Variants in EPHA5 observed in about 807,000 individuals in gnomAD.
The protein encoded by EPHA5 is EPH receptor A5.
In EPHA5, 60 loss-of-function variants were observed where a neutral mutation model predicts 105.0. That is an observed-to-expected ratio of 0.57 (90% CI 0.46 to 0.71). The LOEUF is 0.71. Ranked by LOEUF, EPHA5 falls within the 30% of genes least tolerant of loss-of-function variation. The probability of loss-of-function intolerance (pLI) is 0.00; values close to 1 mark genes in which losing one functional copy is unlikely to be tolerated. For synonymous variants in EPHA5, 513 were observed against 449.1 expected (o/e 1.14, Z -1.80); for missense variants, 1,218 against 1,274.7 (o/e 0.96, Z 0.68).
chr4:65,466,076 G>T (rs1490740227), intron 5 of EPHA5, among the ~76,000 whole-genome samples: 2 of 152,336 alleles, frequency 1.3e-5, no homozygotes, highest in Admixed American at 6.5e-5. Context: ...ATCGTTAAAT[G>T]GGATAGGAAA....
chr4:65,439,621 T>C (rs567399045), intron 5 of EPHA5, among the ~76,000 whole-genome samples: 5 of 152,140 alleles, frequency 3.3e-5, no homozygotes, highest in Admixed American at 1.3e-4. Context: ...TGTCCATGAA[T>C]CAACAATTAA....
At chr4:65,509,584 C>T (rs551532733) in intron 3 of EPHA5, among the ~76,000 whole-genome samples, 1 of 152,208 alleles carries the variant, frequency 6.6e-6, no homozygotes, top group African/African-American at 2.4e-5. Flanking sequence ...TATCTTAACC[C>T]ATATTAGACT....
chr4:65,656,953 G>GTTT (rs564679940), intron 1 of EPHA5, among the ~76,000 whole-genome samples: 40 of 143,754 alleles, frequency 2.8e-4, no homozygotes, highest in African/African-American at 7.0e-4. Context: ...ACGTGTGTGT[G>GTTT]TTTTTTTTTT....
At chr4:65,414,686 G>T (rs1168966538) in intron 6 of EPHA5, among the ~76,000 whole-genome samples, 1 of 152,058 alleles carries the variant, frequency 6.6e-6, no homozygotes, top group Admixed American at 6.6e-5. Flanking sequence ...ACATGTCTTC[G>T]GCAGTAATAA....
chr4:65,451,962 AAGTCATATTATCTTGTT>A (rs1184427712), intron 5 of EPHA5, among the ~76,000 whole-genome samples: 1 of 152,194 alleles, frequency 6.6e-6, no homozygotes, highest in African/African-American at 2.4e-5. Context: ...ATGTCCAAAA[AAGTCATATTATCTTGTT>A]AGTTAAAGCT....
chr4:65,438,043 G>A (rs1199597846), intron 5 of EPHA5, among the ~76,000 whole-genome samples: 1 of 151,912 alleles, frequency 6.6e-6, no homozygotes, highest in Non-Finnish European at 1.5e-5. Context: ...CAGCATCATA[G>A]TAGGATCATT....
At chr4:65,660,641 CTG>C (rs1258895387) in intron 1 of EPHA5, among the ~76,000 whole-genome samples, 2 of 152,074 alleles carry the variant, frequency 1.3e-5, no homozygotes, top group Non-Finnish European at 2.9e-5. Context: ...TTCATTTTAA[CTG>C]TGTGGAATCT....
rs1206588175 is a variant in EPHA5 at position 65,488,931 on chromosome 4, G to A, written c.1402+1446C>T. Among the ~76,000 whole-genome samples, 4 of 125,920 alleles carry A rather than the reference G, an allele frequency of 3.2e-5. No individual in the cohort carries two copies. The Admixed American group carries it at 4.2e-4, about 13-fold the overall frequency. The allele number at this position is 125,920 out of a possible 152,430, so 82.6% of individuals were successfully genotyped here. Reference sequence around the variant, plus strand: ...GACGGAGTCTCGCTCTGTTGCCCAGGCTGGAGCTCAGTGGCGCGATCTCGG... The same window carrying A: ...GACGGAGTCTCGCTCTGTTGCCCAGACTGGAGCTCAGTGGCGCGATCTCGG... On this transcript the variant is annotated intron_variant, in intron 5 of 16. Transcript: ENST00000613740.
At chr4:65,507,443 T>C (rs79872365) in intron 3 of EPHA5, among the ~76,000 whole-genome samples, 32,616 of 152,134 alleles carry the variant, frequency 0.21, 3,816 homozygotes, top group Middle Eastern at 0.33. Context: ...ATTGAATCTA[T>C]AAATTACCTT....
intron 3 of EPHA5, chr4:65,573,434 A>G (rs1246210159): frequency 1.6e-5 from 18 of 1,102,590 alleles, no homozygotes; most frequent in Non-Finnish European, 2.0e-5. Context: ...AAAAAAAAAA[A>G]AGAAGCTCTT....
chr4:65,408,531 A>G (rs1418648270), intron 7 of EPHA5, among the ~76,000 whole-genome samples: 1 of 149,150 alleles, frequency 6.7e-6, no homozygotes, highest in African/African-American at 2.5e-5. Context: ...TGGGCGAAGG[A>G]CATGAACAGA....
intron 3 of EPHA5, among the ~76,000 whole-genome samples, chr4:65,528,816 A>G (rs1168617942): frequency 2.0e-5 from 3 of 152,158 alleles, no homozygotes; most frequent in Non-Finnish European, 2.9e-5. Flanking sequence ...CCCGTTCCAT[A>G]ACCAATTTAA....
intron 9 of EPHA5, 114 bp from the exon 10 acceptor site, chr4:65,366,171 C>T (rs1717892866): frequency 2.1e-6 from 2 of 942,882 alleles, no homozygotes; most frequent in Middle Eastern, 2.7e-4. Flanking sequence ...AGTATTCAAA[C>T]TGCAAGGACC....
intron 7 of EPHA5, among the ~76,000 whole-genome samples, chr4:65,407,800 G>A (rs975359703): frequency 6.6e-6 from 1 of 151,764 alleles, no homozygotes; most frequent in Non-Finnish European, 1.5e-5. Context: ...TCGTCACCCA[G>A]GCTGGAGTGT....
chr4:65,330,636 TATAAAATGACAAATGACTTTAATAA>T, intron 16 of EPHA5: 1 of 579,198 alleles, frequency 1.7e-6, no homozygotes, highest in Non-Finnish European at 2.2e-6. Flanking sequence ...ATCATTTTAA[TATAAAATGACAAATGACTTTAATAA>T]ATTAAAATGA....
chr4:65,580,790 C>CTT (rs373996186), intron 3 of EPHA5, among the ~76,000 whole-genome samples: 37,137 of 146,950 alleles, frequency 0.25, 5,048 homozygotes, highest in East Asian at 0.46. Flanking sequence ...ACACAGTTTA[C>CTT]TTTTTTTTTT....
intron 8 of EPHA5, among the ~76,000 whole-genome samples, chr4:65,372,427 T>A (rs17086137): frequency 1.3e-5 from 2 of 151,782 alleles, no homozygotes; most frequent in Admixed American, 1.3e-4. Flanking sequence ...AAATGGGGCA[T>A]TGGATATTTA....
intron 3 of EPHA5, among the ~76,000 whole-genome samples, chr4:65,578,455 A>C (rs1258000414): frequency 6.6e-6 from 1 of 152,150 alleles, no homozygotes; most frequent in Non-Finnish European, 1.5e-5. Context: ...GGACCATCCC[A>C]GTCACCAGAG....
chr4:65,616,042 T>C (rs906375718), intron 2 of EPHA5, among the ~76,000 whole-genome samples: 9 of 151,882 alleles, frequency 5.9e-5, no homozygotes, highest in Admixed American at 5.9e-4. Flanking sequence ...CTATGTGACC[T>C]TCAGTGAGCA....
Sources: allele counts gnomAD v4.1 joint callset (sites outside exome capture counted in the v4.1 genomes callset), GRCh38; gene constraint gnomAD v4.1.1; transcripts MANE v1.5; gene names NCBI Gene and HGNC (gene_info 2026-07-23, HGNC 2026-07-21).